The following PTCHD4 variants were observed in gnomAD, a reference collection of about 807,000 sequenced individuals.
The protein encoded by PTCHD4 is patched domain containing 4, also known as patched domain-containing protein 4.
PTCHD4 carries 33 observed loss-of-function variants against 58.1 expected under a neutral mutation model. That is an observed-to-expected ratio of 0.57 (90% CI 0.43 to 0.76). PTCHD4 has a LOEUF of 0.76. PTCHD4 is among the 30% of genes least tolerant of loss of function. The pLI, the probability that PTCHD4 is intolerant of heterozygous loss-of-function variation, is 0.00. For synonymous variants in PTCHD4, 478 were observed against 409.6 expected (o/e 1.17, Z -2.02); for missense variants, 1,058 against 1,027.1 (o/e 1.03, Z -0.41).
At chr6:48,092,172 C>T (rs771439375) in intron 1 of PTCHD4, among the ~76,000 whole-genome samples, 10 of 152,072 alleles carry the variant, frequency 6.6e-5, no homozygotes, top group Non-Finnish European at 1.2e-4. Context: ...TCTAATTTTC[C>T]CATTCCATAT....
At chr6:48,043,786 C>T (rs1763932828) in intron 3 of PTCHD4, among the ~76,000 whole-genome samples, 1 of 151,942 alleles carries the variant, frequency 6.6e-6, no homozygotes, top group East Asian at 1.9e-4. Flanking sequence ...GGCTGTCTGC[C>T]TCCTGGAGGG....
At chr6:47,992,030 A>G (rs1163618596) in intron 4 of PTCHD4, among the ~76,000 whole-genome samples, 2 of 152,160 alleles carry the variant, frequency 1.3e-5, no homozygotes, top group Admixed American at 1.3e-4. Flanking sequence ...GAGATAAAAA[A>G]TCATTAGCCT....
chr6:48,110,631 CCACACA>C lies in PTCHD4; in HGVS notation c.-970+412_-970+417del, dbSNP rs367594403. Among the ~76,000 whole-genome samples, 239 of 139,306 alleles carry C rather than the reference CCACACA, an allele frequency of 1.7e-3. 1 individual carries two copies. The highest frequency in any genetic ancestry group is 5.8e-3 in the African/African-American group (223 of 38,414). 91.4% of individuals were successfully genotyped at this position (139,306 alleles called of 152,430 possible). A position where few individuals can be genotyped will look rare whatever the true frequency, so the allele number is the denominator to read the frequency against. ...GCTGAGTAGAGTCCAGATGGTTTTA[CCACACA>C]CACACACACACACACACACACACAT... On this transcript the variant is annotated intron_variant, in intron 1 of 4. Coordinates refer to ENST00000339488, the MANE Select transcript of PTCHD4 (RefSeq NM_001384253.1).
intron 4 of PTCHD4, among the ~76,000 whole-genome samples, chr6:47,916,910 G>A (rs995958660): frequency 6.6e-6 from 1 of 151,988 alleles, no homozygotes; most frequent in Non-Finnish European, 1.5e-5. Context: ...TTCCTGGGGT[G>A]GTACTCCTCA....
intron 4 of PTCHD4, among the ~76,000 whole-genome samples, chr6:47,964,307 T>G (rs1767204991): frequency 6.6e-6 from 1 of 151,678 alleles, no homozygotes; most frequent in South Asian, 2.1e-4. Flanking sequence ...CAGCTCATGT[T>G]AAGTGTTATT....
chr6:47,991,902 CAAT>C (rs1335136657), intron 4 of PTCHD4, among the ~76,000 whole-genome samples: 1 of 151,582 alleles, frequency 6.6e-6, no homozygotes, highest in South Asian at 2.1e-4. Flanking sequence ...AAAAAAAGAA[CAAT>C]AATAACATAT....
At chr6:48,098,838 T>C (rs1334654547) in intron 1 of PTCHD4, among the ~76,000 whole-genome samples, 1 of 152,164 alleles carries the variant, frequency 6.6e-6, no homozygotes, top group Non-Finnish European at 1.5e-5. Context: ...AAATAAGAAT[T>C]ATCATCAAAT....
intron 4 of PTCHD4, among the ~76,000 whole-genome samples, chr6:47,939,253 C>T (rs1766120173): frequency 6.6e-6 from 1 of 152,192 alleles, no homozygotes; most frequent in Non-Finnish European, 1.5e-5. Flanking sequence ...GTTATTAAAA[C>T]TCAGATTACT....
intron 4 of PTCHD4, among the ~76,000 whole-genome samples, chr6:47,977,661 A>G (rs901717983): frequency 6.6e-6 from 1 of 152,230 alleles, no homozygotes; most frequent in African/African-American, 2.4e-5. Context: ...ATGCAAGTAA[A>G]TCATAGGATA....
At chr6:47,952,394 CT>C (rs1561974686) in intron 4 of PTCHD4, among the ~76,000 whole-genome samples, 1 of 152,026 alleles carries the variant, frequency 6.6e-6, no homozygotes, top group Non-Finnish European at 1.5e-5. Flanking sequence ...CTTCAGAGGA[CT>C]TTTTATTCCT....
chr6:47,901,871 C>T (rs1221932293), intron 4 of PTCHD4: 2 of 1,302,950 alleles, frequency 1.5e-6, no homozygotes, highest in African/African-American at 3.0e-5. Flanking sequence ...TCTCTCCTTC[C>T]TTCTCTCCTT....
intron 4 of PTCHD4, among the ~76,000 whole-genome samples, chr6:47,881,549 C>CT (rs142636525): frequency 0.063 from 9,630 of 152,182 alleles, 361 homozygotes; most frequent in Middle Eastern, 0.099. Context: ...CAAATCTTGG[C>CT]TAAGCCATTG....
chr6:47,996,031 G>C (rs1483257071), intron 4 of PTCHD4, among the ~76,000 whole-genome samples: 1 of 152,054 alleles, frequency 6.6e-6, no homozygotes, highest in East Asian at 1.9e-4. Flanking sequence ...TTGTTATATA[G>C]GTAAATTCAT....
chr6:47,944,658 G>T (rs1766350376), intron 4 of PTCHD4, among the ~76,000 whole-genome samples: 3 of 152,014 alleles, frequency 2.0e-5, no homozygotes, highest in African/African-American at 7.2e-5. Context: ...GAAGCAAATG[G>T]GAATAGTCAT....
chr6:48,103,105 G>A (rs769561723), intron 1 of PTCHD4, among the ~76,000 whole-genome samples: 4 of 152,220 alleles, frequency 2.6e-5, no homozygotes, highest in Non-Finnish European at 4.4e-5. Context: ...GAAGAGAGTA[G>A]TGGTTCTCCC....
rs548239359 is a variant in PTCHD4 at position 47,863,128 on chromosome 6, T to C, written c.*15175A>G. 1.5e-4 allele frequency among the ~76,000 whole-genome samples: 23 copies of C among 152,056 alleles called. No individual in the cohort carries two copies. The highest frequency in any genetic ancestry group is 7.9e-4 in the Admixed American group (12 of 15,254). On this transcript the variant is annotated 3_prime_UTR_variant, in exon 5 of 5. Coordinates refer to ENST00000339488, the MANE Select transcript of PTCHD4 (RefSeq NM_001384253.1). ...TAAGAGTTGGTATTTATCAATATGATTTTTGTGTTGTATCTGAGACTTATG... is the reference window on the plus strand; with the variant it reads ...TAAGAGTTGGTATTTATCAATATGACTTTTGTGTTGTATCTGAGACTTATG...
chr6:47,879,874 G>A lies in PTCHD4; in HGVS notation c.961C>T (p.Pro321Ser). 6.3e-7 allele frequency: 1 copy of A among 1,597,100 alleles called. No individual in the cohort carries two copies. The highest frequency in any genetic ancestry group is 8.5e-7 in the Non-Finnish European group (1 of 1,171,306). ...SGWRRTKENL[P>S]FKDRIADAYS... is the part of the protein sequence containing the mutation. ...GCATCTGCTATCCTGTCTTTGAAGG[G>A]CAAGTTCTCTTTGGTTCTCCGCCAT... The change falls in exon 5 of 5, where the codon CCC becomes TCC. Residue 321 changes from proline (P) to serine (S), a missense_variant. By Grantham distance (74) the Pro-to-Ser change is moderately conservative (BLOSUM62 -1). Coordinates refer to ENST00000339488, the MANE Select transcript of PTCHD4 (RefSeq NM_001384253.1).
intron 4 of PTCHD4, among the ~76,000 whole-genome samples, chr6:47,941,343 C>T (rs759131151): frequency 9.9e-5 from 15 of 152,174 alleles, no homozygotes; most frequent in Non-Finnish European, 2.1e-4. Context: ...AGGTCGGCAA[C>T]TCCTGACTTT....
chr6:47,936,495 C>T (rs532302065), intron 4 of PTCHD4, among the ~76,000 whole-genome samples: 5 of 152,298 alleles, frequency 3.3e-5, no homozygotes, highest in Admixed American at 2.0e-4. Flanking sequence ...GAGATAAAAT[C>T]TGAAGCTGAG....
Sources: gnomAD v4.1 joint callset for allele counts (sites outside exome capture counted in the v4.1 genomes callset) on GRCh38, gnomAD v4.1.1 for gene constraint, MANE v1.5 for transcripts, NCBI Gene and HGNC (gene_info 2026-07-23, HGNC 2026-07-21) for gene names.